Variants in FAU observed in about 807,000 individuals in gnomAD.
FAU encodes FAU ubiquitin like and ribosomal protein S30 fusion.
For synonymous variants in FAU, 70 were observed against 69.9 expected, an observed-to-expected ratio of 1.00 and a Z score of -0.01; for missense variants, 125 against 173.9, an observed-to-expected ratio of 0.72 and a Z score of 1.58.
chr11:65,120,955 C>G (rs1419612456), intron 4 of FAU, 26 bp downstream of exon 4: 4 of 1,613,716 alleles, frequency 2.5e-6, no homozygotes, highest in Non-Finnish European at 3.4e-6. Flanking sequence ...AGTCCTAACA[C>G]CATGACCACT....
At chr11:65,121,061 G>A (rs772196437) in intron 3 of FAU, 25 bp from the exon 4 acceptor site, 2 of 1,613,426 alleles carry the variant, frequency 1.2e-6, no homozygotes, top group Non-Finnish European at 1.7e-6. Context: ...GAAGGCACCA[G>A]CAGGTAAGAG....
In FAU at chr11:65,121,558, C is replaced by T. The variant is rs767610139; in HGVS notation, c.162G>A (p.Leu54=). Residue 54 remains leucine, a synonymous_variant, in exon 3 of 5, where the codon CTG becomes CTA. Coordinates refer to ENST00000529639, the MANE Select transcript of FAU (RefSeq NM_001997.5). ...TCAGGGCCTCCACCCCGCACTGGCC[C>T]AGAGTGGCCTCATCCTCCAGGGGCG... The part of the protein sequence containing the change: ...AGAPLEDEAT[L]GQCGVEALTT... The T allele has an allele frequency of 3.7e-6, 6 of 1,614,060 alleles. No homozygotes were observed. Among genetic ancestry groups the T allele is most frequent in the Non-Finnish European group, 5.1e-6 (6 of 1,180,032 alleles).
At chr11:65,121,846 A>G in intron 1 of FAU, 25 bp from the exon 2 acceptor site, 2 of 1,607,506 alleles carry the variant, frequency 1.2e-6, no homozygotes, top group Non-Finnish European at 1.7e-6. Context: ...GACGGCTTGT[A>G]AGAGAAGCCA....
intron 3 of FAU, 145 bp downstream of exon 3, chr11:65,121,355 G>C (rs1172571088): frequency 9.0e-6 from 10 of 1,110,410 alleles, no homozygotes; most frequent in Non-Finnish European, 1.3e-5. Context: ...CAACATGAGG[G>C]ATGTAAACAG....
chr11:65,121,918 G>C, intron 1 of FAU, 97 bp from the exon 2 acceptor site: 1 of 1,275,768 alleles, frequency 7.8e-7, no homozygotes, highest in Non-Finnish European at 1.1e-6. Flanking sequence ...GATCGCGACG[G>C]GATGGTGGTC....
chr11:65,121,778 G>A lies in FAU; in HGVS notation c.36C>T (p.Thr12=), dbSNP rs144961576. 5 of 1,614,124 alleles carry A rather than the reference G, an allele frequency of 3.1e-6. No homozygotes were observed. Among genetic ancestry groups the A allele is most frequent in the South Asian group, 2.2e-5 (2 of 91,080 alleles). Residue 12 remains threonine (T), a synonymous_variant, in exon 2 of 5, where the codon ACC becomes ACT. Transcript: ENST00000529639. ...QLFVRAQELH[T]FEVTGQETVA... is the part of the protein sequence containing the mutation. ...CCGTTTCCTGGCCGGTCACCTCGAA[G>A]GTGTGTAGCTCCTGGGCGCGGACAA...
Position 65,120,757 on chromosome 11 carries a change from C to T in FAU, c.326G>A (p.Arg109Gln), listed in dbSNP as rs768780528. Reference sequence around the variant, plus strand: ...GACAAAGCGCCGGTTGTACTGCATCCGCCGCTTAGCCCGACCTGTCTTCTT... The same window carrying T: ...GACAAAGCGCCGGTTGTACTGCATCTGCCGCTTAGCCCGACCTGTCTTCTT... ...KKKKTGRAKR[R>Q]MQYNRRFVNV... The change falls in exon 5 of 5, where the codon CGG becomes CAG. Residue 109 changes from arginine to glutamine, a missense_variant. Coordinates refer to ENST00000529639, the MANE Select transcript of FAU (RefSeq NM_001997.5). 3 of 1,614,050 alleles carry T rather than the reference C, an allele frequency of 1.9e-6. No individual in the cohort carries two copies. The highest frequency in any genetic ancestry group is 2.2e-5 in the East Asian group (1 of 44,900).
Position 65,121,650 on chromosome 11 carries a change from G to A in FAU, c.76-6C>T, listed in dbSNP as rs777028431. 2.5e-6 allele frequency: 4 copies of A among 1,613,894 alleles called. No individual in the cohort carries two copies. The highest frequency in any genetic ancestry group is 3.4e-6 in the Non-Finnish European group (4 of 1,179,960). ...TCCAGTGAGGCTACATGAGCCTACAGGGAAAGATAAGGCTCGTAAGCGTTC... is the reference window on the plus strand; with the variant it reads ...TCCAGTGAGGCTACATGAGCCTACAAGGAAAGATAAGGCTCGTAAGCGTTC... On this transcript the variant is annotated splice_region_variant and splice_polypyrimidine_tract_variant and intron_variant, in intron 2 of 4. Transcript: ENST00000529639.
At chr11:65,121,886 G>A (rs1286119351) in intron 1 of FAU, 65 bp from the exon 2 acceptor site, 10 of 1,546,072 alleles carry the variant, frequency 6.5e-6, no homozygotes, top group Non-Finnish European at 8.9e-6. Flanking sequence ...GGAGATTTGG[G>A]AGTGGAAAGC....
At position 65,121,489 on chromosome 11, in the gene FAU, C is replaced by T. The variant is rs777779879; in HGVS notation, c.220+11G>A. 6.2e-7 allele frequency: 1 copy of T among 1,611,210 alleles called. No homozygotes were observed. Among genetic ancestry groups the T allele is most frequent in the African/African-American group, 1.3e-5 (1 of 74,846 alleles). On this transcript the variant is annotated intron_variant, in intron 3 of 4. Coordinates refer to ENST00000529639, the MANE Select transcript of FAU (RefSeq NM_001997.5). ...TACCGGTACTTCAAAGAACATTCCT[C>T]TCTCACTCACCTCCAAGCATGCGGC... is the stretch of plus-strand genomic sequence containing the variant.
At chr11:65,121,686 C>G in intron 2 of FAU, 42 bp from the exon 3 acceptor site, 1 of 1,613,666 alleles carries the variant, frequency 6.2e-7, no homozygotes. Flanking sequence ...CCTCGGGCCG[C>G]GAGAGTGAAG....
At chr11:65,121,290 G>T in intron 3 of FAU, 2 of 761,004 alleles carry the variant, frequency 2.6e-6, no homozygotes, top group Non-Finnish European at 4.1e-6. Flanking sequence ...AGGATCTCGT[G>T]ATGTGACTGA....
intron 1 of FAU, 129 bp downstream of exon 1, chr11:65,121,961 C>T (rs1590821201): frequency 9.8e-6 from 8 of 818,042 alleles, no homozygotes; most frequent in Non-Finnish European, 1.6e-5. Flanking sequence ...CCAGGCCTCC[C>T]AAGGAGTTCG....
In FAU at chr11:65,121,814, A is replaced by G. The variant is rs1590821135; in HGVS notation, c.-1T>C. Reference sequence around the variant, plus strand: ...CCTGGGCGCGGACAAAGAGCTGCATATTGGCGACTGAGTAAAGAAAAGACG... The same window carrying G: ...CCTGGGCGCGGACAAAGAGCTGCATGTTGGCGACTGAGTAAAGAAAAGACG... On this transcript the variant is annotated 5_prime_UTR_variant, in exon 2 of 5. Coordinates refer to ENST00000529639, the MANE Select transcript of FAU (RefSeq NM_001997.5). 1.9e-6 allele frequency: 3 copies of G among 1,614,052 alleles called. No homozygotes were observed. The highest frequency in any genetic ancestry group is 2.2e-5 in the South Asian group (2 of 91,088).
At position 65,121,777 on chromosome 11, in the gene FAU, A is replaced by G. The variant is rs754594714; in HGVS notation, c.37T>C (p.Phe13Leu). ...LFVRAQELHT[F>L]EVTGQETVAQ... ...ACCGTTTCCTGGCCGGTCACCTCGA[A>G]GGTGTGTAGCTCCTGGGCGCGGACA... is the stretch of plus-strand genomic sequence containing the variant. The change falls in exon 2 of 5, where the codon TTC (phenylalanine) becomes CTC (leucine). Residue 13 changes from phenylalanine to leucine, a missense_variant. Transcript: ENST00000529639. 6.2e-7 allele frequency: 1 copy of G among 1,614,128 alleles called. No individual in the cohort carries two copies. The highest frequency in any genetic ancestry group is 8.5e-7 in the Non-Finnish European group (1 of 1,180,038).
rs756092466 is a variant in FAU, at chr11:65,121,736, T to C, written c.75+3A>G. On this transcript the variant is annotated splice_donor_region_variant and intron_variant, in intron 2 of 4. Transcript: ENST00000529639. Reference sequence around the variant, plus strand: ...GAACCCAGGGCGCACCAAGCAGCCTTACCTTGATCTGGGCGACCGTTTCCT... The same window carrying C: ...GAACCCAGGGCGCACCAAGCAGCCTCACCTTGATCTGGGCGACCGTTTCCT... The C allele has an allele frequency of 6.2e-7, 1 of 1,614,066 alleles. No homozygotes were observed. The highest frequency in any genetic ancestry group is 1.7e-5 in the Admixed American group (1 of 60,028).
chr11:65,122,057 G>A, intron 1 of FAU, 33 bp downstream of exon 1: 1 of 602,386 alleles, frequency 1.7e-6, no homozygotes, highest in Non-Finnish European at 2.9e-6. Flanking sequence ...CCTGCTACAA[G>A]CCCTTCGGAT....
At chr11:65,121,687 G>A in intron 2 of FAU, 43 bp from the exon 3 acceptor site, 11 of 1,613,786 alleles carry the variant, frequency 6.8e-6, no homozygotes, top group Non-Finnish European at 8.5e-6. Context: ...CTCGGGCCGC[G>A]AGAGTGAAGA....
At chr11:65,121,137 C>T in intron 3 of FAU, 101 bp from the exon 4 acceptor site, 2 of 1,206,144 alleles carry the variant, frequency 1.7e-6, no homozygotes, top group Non-Finnish European at 2.4e-6. Flanking sequence ...AAGCTGCGCC[C>T]AATAGGTAAT....
Sources: gnomAD v4.1 joint callset for allele counts on GRCh38, gnomAD v4.1.1 for gene constraint, MANE v1.5 for transcripts, NCBI Gene and HGNC (gene_info 2026-07-23, HGNC 2026-07-21) for gene names.